The following CTNNA2 variants were observed in gnomAD, a reference collection of about 807,000 sequenced individuals.
The protein encoded by CTNNA2 is catenin alpha 2.
Under a neutral mutation model 101.0 loss-of-function variants are expected in CTNNA2, and 42 were observed. The ratio of observed to expected loss-of-function variants is 0.42; its 90% CI spans 0.32 to 0.54. The LOEUF (loss-of-function observed/expected upper bound fraction) is 0.54, where lower values mean the gene tolerates loss of function less well. Ranked by LOEUF, CTNNA2 falls within the 20% of genes least tolerant of loss-of-function variation. The pLI is 0.14. For synonymous variants in CTNNA2, 450 were observed against 456.4 expected, an observed-to-expected ratio of 0.99 and a Z score of 0.18; for missense variants, 871 against 1,223.1, an observed-to-expected ratio of 0.71 and a Z score of 4.29.
chr2:79,859,777 A>G (rs941421449), intron 4 of CTNNA2, among the ~76,000 whole-genome samples: 3 of 152,140 alleles, frequency 2.0e-5, no homozygotes, highest in Admixed American at 6.5e-5. Flanking sequence ...TACTATAATT[A>G]ACCATTTAGC....
chr2:79,413,855 G>A (rs533518424), intron 4 of CTNNA2, among the ~76,000 whole-genome samples: 53 of 146,500 alleles, frequency 3.6e-4, no homozygotes, highest in African/African-American at 1.3e-3. Context: ...TTGGCCATTT[G>A]TATGTCTTTT....
At chr2:79,677,602 T>C (rs1188729165) in intron 2 of CTNNA2, among the ~76,000 whole-genome samples, 2 of 152,232 alleles carry the variant, frequency 1.3e-5, no homozygotes, top group African/African-American at 4.8e-5. Context: ...ATCTGTGCTG[T>C]AATCTGAAAA....
intron 1 of CTNNA2, among the ~76,000 whole-genome samples, chr2:79,582,294 T>C (rs1266354337): frequency 6.6e-6 from 1 of 152,262 alleles, no homozygotes; most frequent in African/African-American, 2.4e-5. Flanking sequence ...ATTTTAAGTT[T>C]TAATTTTAAA....
chr2:80,022,448 G>A (rs1380268993), intron 7 of CTNNA2, among the ~76,000 whole-genome samples: 2 of 152,166 alleles, frequency 1.3e-5, no homozygotes, highest in African/African-American at 2.4e-5. Context: ...CGTTTGATCT[G>A]AGAGCTGAAG....
At chr2:79,816,578 AG>A (rs1409174506) in intron 3 of CTNNA2, among the ~76,000 whole-genome samples, 1 of 152,188 alleles carries the variant, frequency 6.6e-6, no homozygotes, top group Non-Finnish European at 1.5e-5. Context: ...GGAAGCCAAA[AG>A]AAAAGAGAGT....
chr2:79,506,222 G>T (rs1375148610), intron 5 of CTNNA2, among the ~76,000 whole-genome samples: 1 of 152,104 alleles, frequency 6.6e-6, no homozygotes, highest in East Asian at 1.9e-4. Flanking sequence ...CCTCTGTAGA[G>T]GTAGGTGGTT....
intron 14 of CTNNA2, 67 bp from the exon 15 acceptor site, chr2:80,589,237 C>G (rs536993977): frequency 7.9e-6 from 12 of 1,511,056 alleles, no homozygotes; most frequent in African/African-American, 4.1e-5. Flanking sequence ...CCGCAGAAGG[C>G]AGAGTCAACA....
intron 3 of CTNNA2, among the ~76,000 whole-genome samples, chr2:79,758,468 G>C (rs1573893219): frequency 2.0e-5 from 3 of 151,990 alleles, no homozygotes; most frequent in African/African-American, 7.2e-5. Flanking sequence ...TTTCAGATTT[G>C]GGGAGTGCCT....
chr2:80,167,709 A>G (rs971139349), intron 7 of CTNNA2, among the ~76,000 whole-genome samples: 2 of 152,198 alleles, frequency 1.3e-5, no homozygotes, highest in African/African-American at 4.8e-5. Flanking sequence ...CTCTGGCCAT[A>G]TTCAGAATTT....
chr2:79,966,551 T>C (rs1341072319), intron 7 of CTNNA2, among the ~76,000 whole-genome samples: 1 of 152,158 alleles, frequency 6.6e-6, no homozygotes, highest in Non-Finnish European at 1.5e-5. Flanking sequence ...CTGGGACCTT[T>C]ACACCTACGT....
At chr2:79,952,486 T>C (rs1688955589) in intron 7 of CTNNA2, among the ~76,000 whole-genome samples, 1 of 152,220 alleles carries the variant, frequency 6.6e-6, no homozygotes. Flanking sequence ...AATTGAACAC[T>C]TTCAAGGGGT....
intron 3 of CTNNA2, among the ~76,000 whole-genome samples, chr2:79,335,571 C>A (rs1338913981): frequency 6.6e-6 from 1 of 152,080 alleles, no homozygotes; most frequent in Non-Finnish European, 1.5e-5. Context: ...TTTGAAAAGT[C>A]CCAAAAGTTC....
chr2:80,129,307 C>A (rs1010025211), intron 7 of CTNNA2, among the ~76,000 whole-genome samples: 8 of 152,176 alleles, frequency 5.3e-5, no homozygotes, highest in African/African-American at 1.9e-4. Context: ...CAGGAATTAC[C>A]ACTGTAGCCT....
At chr2:79,817,287 A>G (rs964892473) in intron 3 of CTNNA2, among the ~76,000 whole-genome samples, 1 of 150,354 alleles carries the variant, frequency 6.7e-6, no homozygotes, top group Admixed American at 6.6e-5. Flanking sequence ...CACAAACCAG[A>G]AAGTGCAGAA....
chr2:79,425,890 A>C (rs921673297), intron 4 of CTNNA2, among the ~76,000 whole-genome samples: 1 of 152,142 alleles, frequency 6.6e-6, no homozygotes, highest in Non-Finnish European at 1.5e-5. Context: ...TATAGCTTCT[A>C]ATCAAAAGGG....
chr2:80,482,757 C>G lies in CTNNA2; in HGVS notation c.1291-62225C>G, dbSNP rs377060896. On this transcript the variant is annotated intron_variant, in intron 9 of 18. Transcript: ENST00000402739. Reference sequence around the variant, plus strand: ...CATTTAAAAATCAGGAGATTTTTTACATACAAATATGCAATCTGATATCTG... The same window carrying G: ...CATTTAAAAATCAGGAGATTTTTTAGATACAAATATGCAATCTGATATCTG... Among the ~76,000 whole-genome samples, 8 of 152,156 alleles carry G rather than the reference C, an allele frequency of 5.3e-5. No individual in the cohort carries two copies. In the East Asian group the frequency reaches 1.2e-3, roughly 22 times the overall value.
At chr2:79,817,713 C>A (rs1677639088) in intron 3 of CTNNA2, among the ~76,000 whole-genome samples, 1 of 152,130 alleles carries the variant, frequency 6.6e-6, no homozygotes, top group Non-Finnish European at 1.5e-5. Flanking sequence ...CTTCAATGTG[C>A]ATTTGATTTT....
intron 17 of CTNNA2, chr2:80,616,599 T>A (rs751672654): frequency 6.6e-6 from 1 of 151,702 alleles, no homozygotes; most frequent in Admixed American, 6.6e-5. Flanking sequence ...ACTATAATAA[T>A]GGAGTCTTGA....
intron 7 of CTNNA2, among the ~76,000 whole-genome samples, chr2:80,379,677 G>A (rs547091292): frequency 6.6e-6 from 1 of 152,298 alleles, no homozygotes; most frequent in African/African-American, 2.4e-5. Flanking sequence ...TGGAGAGATT[G>A]ATTAATCAAA....
Sources: gnomAD v4.1 joint callset for allele counts (sites outside exome capture counted in the v4.1 genomes callset) on GRCh38, gnomAD v4.1.1 for gene constraint, MANE v1.5 for transcripts, NCBI Gene and HGNC (gene_info 2026-07-23, HGNC 2026-07-21) for gene names.